Variants in KCNH5 observed in about 807,000 individuals in gnomAD.
The protein encoded by KCNH5 is voltage-gated delayed rectifier potassium channel KCNH5.
A neutral mutation model predicts 96.1 loss-of-function variants in KCNH5; 46 were observed. That is an observed-to-expected ratio of 0.48 (90% CI 0.38 to 0.61). The LOEUF is 0.61. KCNH5 is among the 20% of genes least tolerant of loss of function. The pLI, the probability that KCNH5 is intolerant of heterozygous loss-of-function variation, is 0.00. For missense variants in KCNH5, 907 were observed against 1,225.8 expected (o/e 0.74, Z 3.88); for synonymous variants, 439 against 449.8 (o/e 0.98, Z 0.30).
intron 10 of KCNH5, among the ~76,000 whole-genome samples, chr14:62,742,798 A>C (rs1357559194): frequency 6.6e-6 from 1 of 152,154 alleles, no homozygotes; most frequent in Non-Finnish European, 1.5e-5. Flanking sequence ...TATAGAGAAA[A>C]GTTAGGATCA....
chr14:62,859,655 C>T lies in KCNH5; in HGVS notation c.1370-9803G>A, dbSNP rs538479303. 5.9e-5 allele frequency among the ~76,000 whole-genome samples: 9 copies of T among 152,324 alleles called. No homozygotes were observed. In the East Asian group the frequency reaches 7.7e-4, roughly 13 times the overall value. Reference sequence around the variant, plus strand: ...CAGCCCATGAATCAGTACATAATCGCGCATCTGGCCATTTCTCCTTCCATG... The same window carrying T: ...CAGCCCATGAATCAGTACATAATCGTGCATCTGGCCATTTCTCCTTCCATG... On this transcript the variant is annotated intron_variant, in intron 7 of 10. Transcript: ENST00000322893.
At chr14:62,713,251 T>C (rs569943892) in intron 10 of KCNH5, among the ~76,000 whole-genome samples, 7 of 149,264 alleles carry the variant, frequency 4.7e-5, no homozygotes, top group Non-Finnish European at 5.9e-5. Flanking sequence ...TATGTTCCAC[T>C]GTCTAAACAA....
At chr14:62,826,059 C>G (rs750660052) in intron 8 of KCNH5, among the ~76,000 whole-genome samples, 1 of 151,990 alleles carries the variant, frequency 6.6e-6, no homozygotes, top group Non-Finnish European at 1.5e-5. Context: ...TTTAAGTTAC[C>G]TACATCCATT....
At chr14:62,947,341 C>T (rs867967244) in intron 7 of KCNH5, among the ~76,000 whole-genome samples, 4 of 152,046 alleles carry the variant, frequency 2.6e-5, no homozygotes, top group Non-Finnish European at 1.5e-5. Context: ...ACTTTGTATA[C>T]GTAGGTATCC....
intron 7 of KCNH5, among the ~76,000 whole-genome samples, chr14:62,904,452 C>T (rs995168805): frequency 3.3e-5 from 5 of 152,118 alleles, no homozygotes; most frequent in Admixed American, 6.5e-5. Context: ...AAGTTCCTCA[C>T]ATCTTCAGCA....
chr14:62,873,013 G>A (rs546285312), intron 7 of KCNH5, among the ~76,000 whole-genome samples: 71 of 152,062 alleles, frequency 4.7e-4, no homozygotes, highest in African/African-American at 1.6e-3. Context: ...AGCCAGGTGT[G>A]GTGGCGGGCG....
At chr14:62,728,639 C>T (rs918198298) in intron 10 of KCNH5, among the ~76,000 whole-genome samples, 2 of 152,088 alleles carry the variant, frequency 1.3e-5, no homozygotes, top group South Asian at 2.1e-4. Context: ...ACATTCAAAT[C>T]GTCATTCATA....
In KCNH5 at chr14:62,741,049, A is replaced by G. The variant is rs112675735; in HGVS notation, c.2020-32594T>C. 2.5e-4 allele frequency among the ~76,000 whole-genome samples: 38 copies of G among 152,282 alleles called. 3 individuals are homozygous for G. The highest frequency in any genetic ancestry group is 9.1e-4 in the African/African-American group (38 of 41,566). On this transcript the variant is annotated intron_variant, in intron 10 of 10. Coordinates refer to ENST00000322893, the MANE Select transcript of KCNH5 (RefSeq NM_139318.5). ...CAAAAGCAAAAATGCTTATTAATGT[A>G]AAAGATATCCCTCTCACATTTCTAA...
rs960097004 is a variant in KCNH5, at chr14:62,734,759, G to A, written c.2020-26304C>T. On this transcript the variant is annotated intron_variant, in intron 10 of 10. Transcript: ENST00000322893. ...CTTTAAGTGCTCTAAGGCAGGGAACGTGACTTGGTCCTTTTTTCACAACTG... is the reference window on the plus strand; with the variant it reads ...CTTTAAGTGCTCTAAGGCAGGGAACATGACTTGGTCCTTTTTTCACAACTG... 3.9e-5 allele frequency among the ~76,000 whole-genome samples: 6 copies of A among 152,132 alleles called. No individual in the cohort carries two copies. The East Asian group carries it at 1.2e-3, about 29-fold the overall frequency.
At chr14:62,787,913 C>G (rs1045278909) in intron 9 of KCNH5, among the ~76,000 whole-genome samples, 1 of 152,078 alleles carries the variant, frequency 6.6e-6, no homozygotes, top group Non-Finnish European at 1.5e-5. Context: ...TCTGGTCACC[C>G]AAGAGCTCTA....
chr14:62,800,600 T>A (rs1886640830), intron 9 of KCNH5, among the ~76,000 whole-genome samples: 1 of 152,228 alleles, frequency 6.6e-6, no homozygotes, highest in Non-Finnish European at 1.5e-5. Context: ...CATTTTCATG[T>A]AATACATTTG....
chr14:62,912,608 T>C (rs1013318418), intron 7 of KCNH5, among the ~76,000 whole-genome samples: 1 of 152,106 alleles, frequency 6.6e-6, no homozygotes. Flanking sequence ...GGTTTCACCA[T>C]GTTGGCCAGG....
At chr14:62,815,229 A>G (rs2140011389) in intron 8 of KCNH5, among the ~76,000 whole-genome samples, 1 of 152,290 alleles carries the variant, frequency 6.6e-6, no homozygotes, top group East Asian at 1.9e-4. Flanking sequence ...TCATAAATGC[A>G]AAACTCATTT....
chr14:62,856,705 G>A (rs980980841), intron 7 of KCNH5, among the ~76,000 whole-genome samples: 5 of 151,908 alleles, frequency 3.3e-5, no homozygotes, highest in Admixed American at 6.6e-5. Flanking sequence ...TCCTGGCTTC[G>A]CTGGATGCTC....
chr14:62,962,236 G>T (rs1396522118), intron 6 of KCNH5, among the ~76,000 whole-genome samples: 1 of 152,124 alleles, frequency 6.6e-6, no homozygotes, highest in Non-Finnish European at 1.5e-5. Flanking sequence ...CCTTGTTTCA[G>T]CCCTTTGACC....
intron 10 of KCNH5, among the ~76,000 whole-genome samples, chr14:62,761,706 T>C (rs1885754609): frequency 6.6e-6 from 1 of 152,152 alleles, no homozygotes; most frequent in East Asian, 1.9e-4. Flanking sequence ...AAAAATTATT[T>C]ACTTTTATTC....
intron 10 of KCNH5, among the ~76,000 whole-genome samples, chr14:62,727,127 G>A (rs1370562197): frequency 1.3e-5 from 2 of 152,186 alleles, no homozygotes; most frequent in East Asian, 3.8e-4. Context: ...TGCTTTGGGA[G>A]GCTGAGGTGG....
At chr14:63,015,715 T>C (rs1161401336) in intron 2 of KCNH5, among the ~76,000 whole-genome samples, 1 of 152,014 alleles carries the variant, frequency 6.6e-6, no homozygotes, top group Non-Finnish European at 1.5e-5. Context: ...CCTGCAGTTA[T>C]AACGCCCTGT....
intron 6 of KCNH5, among the ~76,000 whole-genome samples, chr14:62,968,123 A>G (rs1890337118): frequency 6.6e-6 from 1 of 152,180 alleles, no homozygotes; most frequent in Non-Finnish European, 1.5e-5. Flanking sequence ...AAAGCTGTGT[A>G]TTACCCAACC....
Sources: gnomAD v4.1 joint callset for allele counts (sites outside exome capture counted in the v4.1 genomes callset) on GRCh38, gnomAD v4.1.1 for gene constraint, MANE v1.5 for transcripts, NCBI Gene and HGNC (gene_info 2026-07-23, HGNC 2026-07-21) for gene names.